Variants in XDH observed in about 807,000 individuals in gnomAD.
The protein encoded by XDH is xanthine dehydrogenase/oxidase.
Under a neutral mutation model 156.1 loss-of-function variants are expected in XDH, and 138 were observed. That is an observed-to-expected ratio of 0.88 (90% CI 0.77 to 1.02). The LOEUF is 1.02. Among genes scored for constraint, XDH ranks in the 50% least tolerant of loss-of-function variants. The pLI, the probability that XDH is intolerant of heterozygous loss-of-function variation, is 0.00. For missense variants in XDH, 1,849 were observed against 1,684.9 expected, an observed-to-expected ratio of 1.10 and a Z score of -1.71; for synonymous variants, 669 against 625.7, an observed-to-expected ratio of 1.07 and a Z score of -1.03.
intron 8 of XDH, 37 bp downstream of exon 8, chr2:31,387,774 C>T: frequency 6.5e-7 from 1 of 1,548,136 alleles, no homozygotes. Flanking sequence ...ACTCACAGTA[C>T]AGACCCGGCT....
chr2:31,365,659 A>C, intron 22 of XDH, 115 bp from the exon 23 acceptor site: 3 of 1,239,682 alleles, frequency 2.4e-6, no homozygotes, highest in Non-Finnish European at 2.4e-6. Context: ...CGCTGAGCAG[A>C]CCTGTACAGG....
intron 16 of XDH, among the ~76,000 whole-genome samples, chr2:31,373,530 A>ATGGT (rs747415153): frequency 7.6e-4 from 69 of 91,332 alleles, no homozygotes; most frequent in Non-Finnish European, 1.2e-3. Flanking sequence ...GAGCAGATAG[A>ATGGT]TGGTTTGTTT....
chr2:31,390,943 T>C (rs1409821004), intron 6 of XDH, among the ~76,000 whole-genome samples: 1 of 152,228 alleles, frequency 6.6e-6, no homozygotes, highest in Non-Finnish European at 1.5e-5. Context: ...TTTCTCCCAG[T>C]GTACCGCTTG....
chr2:31,396,461 T>C (rs1686908289), intron 6 of XDH, among the ~76,000 whole-genome samples: 1 of 152,200 alleles, frequency 6.6e-6, no homozygotes, highest in Admixed American at 6.5e-5. Flanking sequence ...CTTCATAATT[T>C]ATAGTTCCCA....
chr2:31,372,120 T>G, intron 17 of XDH, 108 bp downstream of exon 17: 1 of 1,557,100 alleles, frequency 6.4e-7, no homozygotes, highest in South Asian at 1.1e-5. Context: ...TGGAGGCACC[T>G]CATTATCTTT....
chr2:31,344,852 T>A, intron 30 of XDH, 116 bp from the exon 31 acceptor site: 1 of 1,048,416 alleles, frequency 9.5e-7, no homozygotes, highest in Non-Finnish European at 1.4e-6. Context: ...ATTTTACTAG[T>A]GACTCCCATT....
At position 31,366,959 on chromosome 2, in the gene XDH, G is replaced by A. The variant is rs758810484; in HGVS notation, c.2233C>T (p.Leu745=). 27 of 1,614,006 alleles carry A rather than the reference G, an allele frequency of 1.7e-5. No homozygotes were observed. Among genetic ancestry groups the A allele is most frequent in the South Asian group, 1.1e-5 (1 of 91,076 alleles). ...ACAGCAATGGTGCAGTGAGTCTCCAGGTAGAAGTGCTCTTGGCCACCGATG... is the reference window on the plus strand; with the variant it reads ...ACAGCAATGGTGCAGTGAGTCTCCAAGTAGAAGTGCTCTTGGCCACCGATG... The part of the protein sequence containing the change: ...IYIGGQEHFY[L]ETHCTIAVPK... Residue 745 remains leucine (L), a synonymous_variant, in exon 21 of 36, where the codon CTG becomes TTG. Transcript: ENST00000379416.
intron 33 of XDH, 71 bp from the exon 34 acceptor site, chr2:31,339,748 T>G (rs545072667): frequency 6.3e-7 from 1 of 1,584,216 alleles, no homozygotes. Context: ...CTTGCCACAA[T>G]GGACACAAAG....
intron 4 of XDH, among the ~76,000 whole-genome samples, chr2:31,399,394 G>C (rs566375363): frequency 8.2e-4 from 125 of 152,282 alleles, no homozygotes; most frequent in African/African-American, 3.0e-3. Flanking sequence ...AGGAGCAAGT[G>C]TGGGGAGAGA....
At chr2:31,396,787 A>T (rs1326999675) in intron 6 of XDH, among the ~76,000 whole-genome samples, 7 of 152,208 alleles carry the variant, frequency 4.6e-5, no homozygotes, top group Non-Finnish European at 1.0e-4. Context: ...CACACTTGTT[A>T]ATTCTTCATC....
Position 31,388,160 on chromosome 2 carries a change from C to T in XDH, c.564+67G>A. On this transcript the variant is annotated intron_variant, in intron 7 of 35. Coordinates refer to ENST00000379416, the MANE Select transcript of XDH (RefSeq NM_000379.4). ...AGCCCCCACCGCCAGGGACATGGAG[C>T]TCGTGCACTGACTCCTCTAAGTCTC... 3 of 1,554,768 alleles carry T rather than the reference C, an allele frequency of 1.9e-6. 1 individual carries two copies. In the Admixed American group the frequency reaches 5.0e-5, roughly 26 times the overall value.
rs1686509692 is a variant in XDH, at chr2:31,383,851, G to C, written c.794-4C>G. 6 of 1,613,322 alleles carry C rather than the reference G, an allele frequency of 3.7e-6. No individual in the cohort carries two copies. The highest frequency in any genetic ancestry group is 1.3e-5 in the African/African-American group (1 of 74,920). On this transcript the variant is annotated splice_region_variant and splice_polypyrimidine_tract_variant and intron_variant, in intron 9 of 35. Coordinates refer to ENST00000379416, the MANE Select transcript of XDH (RefSeq NM_000379.4). Reference sequence around the variant, plus strand: ...TTCTTGAACTTCATCTCAATGCCTAGAGAGAAACAAGAAGCTGAAGTTGTA... The same window carrying C: ...TTCTTGAACTTCATCTCAATGCCTACAGAGAAACAAGAAGCTGAAGTTGTA...
At position 31,337,786 on chromosome 2, in the gene XDH, G is replaced by A. The variant is rs749289091; in HGVS notation, c.3806C>T (p.Ala1269Val). Residue 1269 changes from alanine to valine, a missense_variant, in exon 35 of 36, where the codon GCT (alanine) becomes GTT (valine). Physicochemically the swap from Ala to Val is moderately conservative, Grantham distance 64 (BLOSUM62 0). Transcript: ENST00000379416. ...ATCTTTGATGGCAAAGAAGATAGAA[G>A]CAGCCAGGAAGAGGGGCGGCTCTCC... ...AVGEPPLFLA[A>V]SIFFAIKDAI... 3.7e-6 allele frequency: 6 copies of A among 1,614,200 alleles called. No homozygotes were observed. Among genetic ancestry groups the A allele is most frequent in the Non-Finnish European group, 5.1e-6 (6 of 1,180,036 alleles).
intron 35 of XDH, 112 bp downstream of exon 35, chr2:31,337,529 G>A: frequency 6.6e-7 from 1 of 1,514,862 alleles, no homozygotes; most frequent in South Asian, 1.1e-5. Context: ...ATGCAAGGCT[G>A]CCCGGTTAGG....
At chr2:31,377,524 A>T (rs2148776509) in intron 13 of XDH, among the ~76,000 whole-genome samples, 1 of 152,182 alleles carries the variant, frequency 6.6e-6, no homozygotes, top group African/African-American at 2.4e-5. Context: ...TCCATTGAAC[A>T]ACAGCTGCAG....
chr2:31,374,773 C>T (rs759320591), intron 15 of XDH, among the ~76,000 whole-genome samples: 52 of 152,094 alleles, frequency 3.4e-4, no homozygotes, highest in Non-Finnish European at 5.1e-4. Flanking sequence ...ATGTTCTCCC[C>T]GACACTGAGC....
chr2:31,377,316 ATGAGG>A, intron 13 of XDH, 79 bp from the exon 14 acceptor site: 1 of 1,536,960 alleles, frequency 6.5e-7, no homozygotes, highest in Non-Finnish European at 9.0e-7. Flanking sequence ...CCACAGGGCT[ATGAGG>A]TGAGGTGAGG....
rs115472424 is a variant in XDH, at chr2:31,349,409, G to C, written c.2969+277C>G. On this transcript the variant is annotated intron_variant, in intron 26 of 35. Coordinates refer to ENST00000379416, the MANE Select transcript of XDH (RefSeq NM_000379.4). ...CATAACTGTGACGTGTTAGTCCTAGGCCAGTGTTCTTTATCATACGGTGTG... is the reference window on the plus strand; with the variant it reads ...CATAACTGTGACGTGTTAGTCCTAGCCCAGTGTTCTTTATCATACGGTGTG... Among the ~76,000 whole-genome samples the C allele has an allele frequency of 3.9e-3, 587 of 152,194 alleles. 1 individual carries two copies. Among genetic ancestry groups the C allele is most frequent in the Admixed American group, 5.7e-3 (87 of 15,286 alleles).
At chr2:31,349,975 C>A (rs1302459160) in intron 25 of XDH, 57 bp downstream of exon 25, 28 of 1,612,124 alleles carry the variant, frequency 1.7e-5, no homozygotes, top group African/African-American at 2.7e-5. Flanking sequence ...TACAAAGCCG[C>A]TGTCCCCCGA....
Sources: gnomAD v4.1 joint callset for allele counts (sites outside exome capture counted in the v4.1 genomes callset) on GRCh38, gnomAD v4.1.1 for gene constraint, MANE v1.5 for transcripts, NCBI Gene and HGNC (gene_info 2026-07-23, HGNC 2026-07-21) for gene names.